PIEZO1: variants seen among roughly 807,000 people sequenced by gnomAD.
The protein encoded by PIEZO1 is piezo type mechanosensitive ion channel component 1 (Er blood group).
In PIEZO1, 296 loss-of-function variants were observed where a neutral mutation model predicts 297.2. The observed-to-expected ratio is 1.00, with a 90% CI of 0.91 to 1.10. The LOEUF (loss-of-function observed/expected upper bound fraction) is 1.10. Ranked by LOEUF, PIEZO1 falls within the 50% of genes least tolerant of loss-of-function variation. PIEZO1 has a pLI of 0.00. For missense variants in PIEZO1, 5,018 were observed against 3,455.5 expected (o/e 1.45, Z -11.34); for synonymous variants, 2,427 against 1,507.5 (o/e 1.61, Z -14.13).
intron 2 of PIEZO1, chr16:88,743,408 C>T (rs1267548152): frequency 2.3e-6 from 1 of 443,674 alleles, no homozygotes. Context: ...GGCAGCAACT[C>T]CTGCACCACC....
At chr16:88,781,103 C>T (rs1054102644) in intron 1 of PIEZO1, among the ~76,000 whole-genome samples, 2 of 152,236 alleles carry the variant, frequency 1.3e-5, no homozygotes, top group Admixed American at 6.5e-5. Context: ...TGGACCCTGA[C>T]GACTGCGGTG....
chr16:88,748,571 G>A (rs1906194864), intron 2 of PIEZO1, among the ~76,000 whole-genome samples: 1 of 151,746 alleles, frequency 6.6e-6, no homozygotes, highest in Non-Finnish European at 1.5e-5. Context: ...CCAGGCGGCT[G>A]GAACTCCCAG....
chr16:88,759,435 C>G (rs1395420569), intron 1 of PIEZO1, among the ~76,000 whole-genome samples: 1 of 152,222 alleles, frequency 6.6e-6, no homozygotes, highest in Non-Finnish European at 1.5e-5. Flanking sequence ...CTGCCCTCCC[C>G]CTGGCCTGCT....
chr16:88,784,401 T>C (rs994728775), intron 1 of PIEZO1, among the ~76,000 whole-genome samples: 4 of 151,700 alleles, frequency 2.6e-5, no homozygotes, highest in Non-Finnish European at 4.4e-5. Context: ...CGGACGTTCG[T>C]TGGGCTCGGG....
chr16:88,748,963 C>A (rs190247547), intron 2 of PIEZO1, among the ~76,000 whole-genome samples: 1 of 139,916 alleles, frequency 7.1e-6, no homozygotes, highest in African/African-American at 2.7e-5. Context: ...AAAAGCCGGG[C>A]GCGGTGGCTC....
At position 88,719,766 on chromosome 16, in the gene PIEZO1, G is replaced by A. The variant is rs554380150; in HGVS notation, c.6323+36C>T. Reference sequence around the variant, plus strand: ...CCGTCAGGTGGGCTCCCTCATGCCCGGGCCGTGACCCCCACCCCGGCGGAC... The same window carrying A: ...CCGTCAGGTGGGCTCCCTCATGCCCAGGCCGTGACCCCCACCCCGGCGGAC... On this transcript the variant is annotated intron_variant, in intron 43 of 50. Transcript: ENST00000301015. The A allele has an allele frequency of 2.8e-5, 43 of 1,550,242 alleles. No individual in the cohort carries two copies. In the African/African-American group the frequency reaches 3.3e-4, roughly 12 times the overall value.
In PIEZO1 at chr16:88,721,371, G is replaced by T; in HGVS notation, c.5463C>A (p.Gly1821=). ...DSPSKEHDKS[G]EEEQGAEEGP... ...CCTCCTCGGCTCCCTGCTCCTCCTC[G>T]CCGCTCTTGTCATGCTCCTTGGATG... Residue 1821 remains glycine, a synonymous_variant, in exon 39 of 51, where the codon GGC becomes GGA. Transcript: ENST00000301015. 8 of 1,549,414 alleles carry T rather than the reference G, an allele frequency of 5.2e-6. No individual in the cohort carries two copies. The highest frequency in any genetic ancestry group is 7.0e-6 in the Non-Finnish European group (8 of 1,146,860).
chr16:88,732,963 G>T, intron 19 of PIEZO1: 1 of 587,722 alleles, frequency 1.7e-6, no homozygotes, highest in Non-Finnish European at 3.0e-6. Flanking sequence ...GAGAAGGAGG[G>T]ATGTGCGAGA....
At chr16:88,744,857 C>T (rs761424946) in intron 2 of PIEZO1, among the ~76,000 whole-genome samples, 19 of 152,026 alleles carry the variant, frequency 1.2e-4, no homozygotes, top group Non-Finnish European at 1.9e-4. Flanking sequence ...AGGGGCACCC[C>T]GGGAAGAGAC....
chr16:88,736,628 C>T lies in PIEZO1; in HGVS notation c.1296+11G>A. ...AGGGGGCCGCCCACCCCAACCCCCACAGCCGCCTACCATCATGGCAATGAG... is the reference window on the plus strand; with the variant it reads ...AGGGGGCCGCCCACCCCAACCCCCATAGCCGCCTACCATCATGGCAATGAG... On this transcript the variant is annotated intron_variant, in intron 11 of 50. Transcript: ENST00000301015. 1 of 1,522,308 alleles carries T rather than the reference C, an allele frequency of 6.6e-7. No individual in the cohort carries two copies. The highest frequency in any genetic ancestry group is 2.5e-5 in the East Asian group (1 of 40,590). The allele number at this position is 1,522,308 out of a possible 1,614,324, so 94.3% of individuals were successfully genotyped here. A position where few individuals can be genotyped will look rare whatever the true frequency, so the allele number is the denominator to read the frequency against.
At chr16:88,750,536 C>A (rs982696101) in intron 1 of PIEZO1, among the ~76,000 whole-genome samples, 10 of 152,230 alleles carry the variant, frequency 6.6e-5, no homozygotes, top group Non-Finnish European at 1.0e-4. Context: ...GGCCTCCCAC[C>A]CTCATCCTGA....
intron 3 of PIEZO1, 37 bp from the exon 4 acceptor site, chr16:88,742,132 G>A: frequency 5.2e-6 from 8 of 1,534,702 alleles, no homozygotes; most frequent in Non-Finnish European, 7.0e-6. Context: ...GTCAGGCTCT[G>A]CCCAGCCAGC....
chr16:88,758,184 A>G (rs1381560897), intron 1 of PIEZO1, among the ~76,000 whole-genome samples: 1 of 151,924 alleles, frequency 6.6e-6, no homozygotes, highest in Non-Finnish European at 1.5e-5. Context: ...CCACAAGGAG[A>G]TGGCCATTGA....
intron 1 of PIEZO1, among the ~76,000 whole-genome samples, chr16:88,753,182 TCCCCAGAGCACACCCCGCC>T (rs1906482502): frequency 2.0e-5 from 1 of 49,600 alleles, no homozygotes; most frequent in Non-Finnish European, 3.7e-5. Flanking sequence ...CACCTATCCA[TCCCCAGAGCACACCCCGCC>T]CCCCAGAGCA....
chr16:88,731,552 C>T (rs1194213759), intron 22 of PIEZO1, 154 bp downstream of exon 22: 28 of 612,262 alleles, frequency 4.6e-5, no homozygotes, highest in Non-Finnish European at 4.0e-5. Context: ...CAGGTGATGG[C>T]GCCTGGGTAG....
intron 44 of PIEZO1, 187 bp from the exon 45 acceptor site, chr16:88,717,398 T>G: frequency 1.5e-6 from 1 of 652,058 alleles, no homozygotes; most frequent in East Asian, 2.8e-5. Context: ...AACCCTCATG[T>G]TCAGGGGTCG....
chr16:88,777,512 T>C (rs911958226), intron 1 of PIEZO1, among the ~76,000 whole-genome samples: 3 of 151,692 alleles, frequency 2.0e-5, no homozygotes, highest in Admixed American at 6.6e-5. Context: ...CGCAGACACA[T>C]TGCGGGGTCC....
intron 3 of PIEZO1, 59 bp from the exon 4 acceptor site, chr16:88,742,154 G>A: frequency 6.5e-7 from 1 of 1,529,032 alleles, no homozygotes; most frequent in East Asian, 2.4e-5. Context: ...CCGTGGCCTG[G>A]TCATCCCTGG....
At chr16:88,765,629 G>A (rs1292089412) in intron 1 of PIEZO1, among the ~76,000 whole-genome samples, 1 of 152,018 alleles carries the variant, frequency 6.6e-6, no homozygotes, top group Non-Finnish European at 1.5e-5. Context: ...CCTGGAGCCT[G>A]GCTCCCTGGT....
Sources: allele counts gnomAD v4.1 joint callset (sites outside exome capture counted in the v4.1 genomes callset), GRCh38; gene constraint gnomAD v4.1.1; transcripts MANE v1.5; gene names NCBI Gene and HGNC (gene_info 2026-07-23, HGNC 2026-07-21).